Variants in SLC35F4 observed in about 807,000 individuals in gnomAD.
SLC35F4 encodes the protein chromosome 14 open reading frame 36.
Under a neutral mutation model 44.2 loss-of-function variants are expected in SLC35F4, and 24 were observed. That is an observed-to-expected ratio of 0.54 (90% confidence interval 0.39 to 0.76). The LOEUF (loss-of-function observed/expected upper bound fraction) is 0.76. Ranked by LOEUF, SLC35F4 falls within the 30% of genes least tolerant of loss-of-function variation. SLC35F4 has a pLI of 0.00. For missense variants in SLC35F4, 562 were observed against 586.1 expected (o/e 0.96, Z 0.42); for synonymous variants, 238 against 223.6 (o/e 1.06, Z -0.57).
chr14:57,905,046 G>A (rs1189912870), intron 1 of SLC35F4, among the ~76,000 whole-genome samples: 1 of 152,096 alleles, frequency 6.6e-6, no homozygotes, highest in African/African-American at 2.4e-5. Flanking sequence ...ATGTTATGTG[G>A]GTCAAAAATT....
intron 7 of SLC35F4, 45 bp downstream of exon 7, chr14:57,566,430 G>C: frequency 6.6e-7 from 1 of 1,518,366 alleles, no homozygotes; most frequent in Non-Finnish European, 9.0e-7. Context: ...ACAAGCAAGA[G>C]ACTTGTAGTG....
At chr14:57,685,420 C>T (rs1232840472) in intron 1 of SLC35F4, among the ~76,000 whole-genome samples, 1 of 152,062 alleles carries the variant, frequency 6.6e-6, no homozygotes, top group African/African-American at 2.4e-5. Context: ...TAAGGAGGGC[C>T]CTAATCCCTT....
At chr14:57,681,108 C>T (rs2074887380) in intron 1 of SLC35F4, among the ~76,000 whole-genome samples, 1 of 152,056 alleles carries the variant, frequency 6.6e-6, no homozygotes, top group African/African-American at 2.4e-5. Context: ...CATCACGCTA[C>T]TGACTTCAAA....
intron 1 of SLC35F4, among the ~76,000 whole-genome samples, chr14:57,780,486 C>T (rs1566847067): frequency 6.6e-6 from 1 of 152,058 alleles, no homozygotes; most frequent in Non-Finnish European, 1.5e-5. Flanking sequence ...TAGAAAGAAT[C>T]AATATTGTTA....
intron 1 of SLC35F4, among the ~76,000 whole-genome samples, chr14:57,937,102 T>A (rs139958411): frequency 1.2e-3 from 179 of 151,018 alleles, no homozygotes; most frequent in African/African-American, 4.2e-3. Context: ...AGTTTCACTC[T>A]TGTCACCCAG....
intron 1 of SLC35F4, among the ~76,000 whole-genome samples, chr14:57,655,316 G>A (rs767251797): frequency 2.6e-4 from 40 of 152,090 alleles, no homozygotes; most frequent in Non-Finnish European, 5.4e-4. Flanking sequence ...GAGGCACTGC[G>A]CTGAGTGCTG....
intron 1 of SLC35F4, among the ~76,000 whole-genome samples, chr14:57,887,804 G>T (rs1194563658): frequency 6.6e-6 from 1 of 152,202 alleles, no homozygotes; most frequent in Non-Finnish European, 1.5e-5. Context: ...AGCCTCAACA[G>T]CGATACAAAG....
At chr14:57,701,138 AT>A (rs959634375) in intron 1 of SLC35F4, among the ~76,000 whole-genome samples, 8 of 150,696 alleles carry the variant, frequency 5.3e-5, no homozygotes, top group South Asian at 2.1e-4. Flanking sequence ...TGCCTGGCCT[AT>A]TTTTTTTTAA....
intron 3 of SLC35F4, 34 bp from the exon 4 acceptor site, chr14:57,581,467 C>G: frequency 3.2e-6 from 5 of 1,553,322 alleles, no homozygotes; most frequent in Non-Finnish European, 4.4e-6. Context: ...TATCCAGGTA[C>G]TGATGGTGAC....
At chr14:57,606,019 A>C (rs1045789924) in intron 1 of SLC35F4, among the ~76,000 whole-genome samples, 4 of 152,166 alleles carry the variant, frequency 2.6e-5, no homozygotes, top group Non-Finnish European at 5.9e-5. Context: ...TACTATGCTC[A>C]CTACCTGGGT....
intron 1 of SLC35F4, among the ~76,000 whole-genome samples, chr14:57,944,682 A>AAAAG (rs1364470957): frequency 7.4e-6 from 1 of 135,766 alleles, no homozygotes; most frequent in Admixed American, 7.4e-5. Context: ...AAAGAAAAAG[A>AAAAG]AAAGAAAGAA....
At chr14:57,570,856 T>C (rs1490333656) in intron 5 of SLC35F4, among the ~76,000 whole-genome samples, 2 of 152,166 alleles carry the variant, frequency 1.3e-5, no homozygotes, top group Non-Finnish European at 2.9e-5. Context: ...TTTTTTTTTC[T>C]GTTGAAAGAC....
chr14:57,593,399 G>A (rs2070309422), intron 2 of SLC35F4, among the ~76,000 whole-genome samples: 1 of 152,176 alleles, frequency 6.6e-6, no homozygotes, highest in African/African-American at 2.4e-5. Flanking sequence ...GTTGGCGAGT[G>A]GTCAGGTGGA....
intron 3 of SLC35F4, among the ~76,000 whole-genome samples, chr14:57,582,859 C>A (rs1038221758): frequency 1.3e-5 from 2 of 152,090 alleles, no homozygotes; most frequent in East Asian, 1.9e-4. Flanking sequence ...AAAAGGACCA[C>A]GTGGAGAGGA....
intron 1 of SLC35F4, among the ~76,000 whole-genome samples, chr14:57,676,889 C>G (rs1049965364): frequency 2.0e-5 from 3 of 152,024 alleles, no homozygotes; most frequent in Non-Finnish European, 2.9e-5. Context: ...GACAACCATT[C>G]AATCCAGCAA....
In SLC35F4 at chr14:57,711,363, G is replaced by A. The variant is rs562038590; in HGVS notation, c.104-117239C>T. Among the ~76,000 whole-genome samples the A allele has an allele frequency of 7.2e-5, 11 of 152,150 alleles. 1 individual carries two copies. The South Asian group carries it at 1.9e-3, about 26-fold the overall frequency. On this transcript the variant is annotated intron_variant, in intron 1 of 7. Transcript: ENST00000556826. Reference sequence around the variant, plus strand: ...TTTCCTTTATAAATTACCTAGTCTCGGGTATTTCTTCACAGCAGCGTGAGA... The same window carrying A: ...TTTCCTTTATAAATTACCTAGTCTCAGGTATTTCTTCACAGCAGCGTGAGA...
chr14:57,975,660 T>C (rs149328826), downstream of SLC35F4, among the ~76,000 whole-genome samples: 394 of 152,338 alleles, frequency 2.6e-3, no homozygotes, highest in Non-Finnish European at 4.2e-3. Context: ...CAAATGAATG[T>C]AATCTAGATG....
chr14:57,953,260 C>T (rs1890174588), intron 1 of SLC35F4, among the ~76,000 whole-genome samples: 1 of 152,172 alleles, frequency 6.6e-6, no homozygotes, highest in African/African-American at 2.4e-5. Context: ...CCAGGCCTGA[C>T]TTACAAGAGC....
In SLC35F4 at chr14:57,879,373, C is replaced by T. The variant is rs560133366; in HGVS notation, n.282+102540G>A. 4.6e-5 allele frequency among the ~76,000 whole-genome samples: 7 copies of T among 152,122 alleles called. No individual in the cohort carries two copies. In the East Asian group the frequency reaches 1.4e-3, roughly 29 times the overall value. On this transcript the variant is annotated intron_variant and non_coding_transcript_variant, in intron 1 of 1. Transcript: ENST00000556568. Reference sequence around the variant, plus strand: ...CGAGCTGAACAACTTAATCCTTCTGCCCCAGGCCTGGCTCTTCCCAGGGTC... The same window carrying T: ...CGAGCTGAACAACTTAATCCTTCTGTCCCAGGCCTGGCTCTTCCCAGGGTC...
Sources: gnomAD v4.1 joint callset for allele counts (sites outside exome capture counted in the v4.1 genomes callset) on GRCh38, gnomAD v4.1.1 for gene constraint, MANE v1.5 for transcripts, NCBI Gene and HGNC (gene_info 2026-07-23, HGNC 2026-07-21) for gene names.